FGGY: variants seen among roughly 807,000 people sequenced by gnomAD.
FGGY encodes the protein FGGY carbohydrate kinase domain containing.
In FGGY, 72 loss-of-function variants were observed where a neutral mutation model predicts 71.3. That is an observed-to-expected ratio of 1.01 (90% CI 0.84 to 1.23). The LOEUF (loss-of-function observed/expected upper bound fraction) is 1.23. Among genes scored for constraint, FGGY ranks in the 50% most tolerant of loss-of-function variants. The probability of loss-of-function intolerance (pLI) is 0.00; values close to 1 mark genes in which losing one functional copy is unlikely to be tolerated. For synonymous variants in FGGY, 251 were observed against 250.3 expected (o/e 1.00, Z -0.02); for missense variants, 668 against 682.3 (o/e 0.98, Z 0.23).
chr1:59,534,370 G>C (rs1277062739), intron 7 of FGGY, among the ~76,000 whole-genome samples: 1 of 152,220 alleles, frequency 6.6e-6, no homozygotes, highest in Non-Finnish European at 1.5e-5. Context: ...GTACCTGAAA[G>C]TGACGGGGAG....
At chr1:59,702,646 T>C (rs1324976013) in intron 14 of FGGY, among the ~76,000 whole-genome samples, 1 of 152,192 alleles carries the variant, frequency 6.6e-6, no homozygotes, top group East Asian at 1.9e-4. Context: ...AAGTAGGGAC[T>C]AGATTCTAGT....
chr1:59,407,648 C>G (rs2062967291), intron 5 of FGGY, among the ~76,000 whole-genome samples: 1 of 152,218 alleles, frequency 6.6e-6, no homozygotes, highest in African/African-American at 2.4e-5. Context: ...TTTCCATTCA[C>G]TTCTTCACAT....
chr1:59,745,471 G>T (rs1207936), intron 14 of FGGY, among the ~76,000 whole-genome samples: 135,944 of 152,230 alleles, frequency 0.89, 60,970 homozygotes, highest in East Asian at 1. Flanking sequence ...CGATTTGGTT[G>T]CTGATCTGCT....
rs549705921 is a variant in FGGY, at chr1:59,336,066, C to T, written c.202-3892C>T. 2.6e-5 allele frequency among the ~76,000 whole-genome samples: 4 copies of T among 152,146 alleles called. No individual in the cohort carries two copies. The South Asian group carries it at 6.2e-4, about 24-fold the overall frequency. On this transcript the variant is annotated intron_variant, in intron 2 of 15. Coordinates refer to ENST00000303721, the MANE Select transcript of FGGY (RefSeq NM_018291.5). ...CTTTTTATAAAATCTTCATCTAATG[C>T]AAGGTTGCAACAATGTTCTCCTGTT...
intron 2 of FGGY, among the ~76,000 whole-genome samples, chr1:59,331,002 G>A (rs771954973): frequency 6.6e-5 from 10 of 151,942 alleles, no homozygotes; most frequent in Non-Finnish European, 1.2e-4. Flanking sequence ...ACTTTGGGAA[G>A]ACTGGGACCA....
chr1:59,306,731 G>T (rs1342681847), intron 1 of FGGY, among the ~76,000 whole-genome samples: 79 of 152,194 alleles, frequency 5.2e-4, no homozygotes, highest in Non-Finnish European at 1.6e-4. Context: ...TAGCAGGGAG[G>T]GAAGGTAGAG....
intron 5 of FGGY, among the ~76,000 whole-genome samples, chr1:59,402,585 A>T (rs17119396): frequency 0.033 from 4,983 of 152,326 alleles, 108 homozygotes; most frequent in South Asian, 0.074. Flanking sequence ...ATACAGCTAT[A>T]TAAAAGAGTT....
intron 14 of FGGY, among the ~76,000 whole-genome samples, chr1:59,748,866 C>G (rs2098222012): frequency 6.6e-6 from 1 of 152,088 alleles, no homozygotes; most frequent in South Asian, 2.1e-4. Flanking sequence ...TCCGTAGCAT[C>G]AGGATGGGGG....
intron 8 of FGGY, among the ~76,000 whole-genome samples, chr1:59,591,535 A>G (rs148609702): frequency 0.024 from 3,674 of 152,290 alleles, 143 homozygotes; most frequent in African/African-American, 0.083. Flanking sequence ...CTGACTTCAA[A>G]CTATACTACA....
chr1:59,403,078 G>C (rs1054322830), intron 5 of FGGY, among the ~76,000 whole-genome samples: 1 of 152,186 alleles, frequency 6.6e-6, no homozygotes, highest in African/African-American at 2.4e-5. Context: ...CCCTCTTAAA[G>C]GTTATAGAGT....
At chr1:59,622,122 A>C (rs1217170086) in intron 9 of FGGY, among the ~76,000 whole-genome samples, 1 of 151,884 alleles carries the variant, frequency 6.6e-6, no homozygotes, top group Non-Finnish European at 1.5e-5. Flanking sequence ...CTATATATTT[A>C]TTTCAGATAT....
At chr1:59,469,236 C>G (rs2153541131) in intron 6 of FGGY, among the ~76,000 whole-genome samples, 1 of 152,342 alleles carries the variant, frequency 6.6e-6, no homozygotes, top group Non-Finnish European at 1.5e-5. Context: ...GCTGCTATAA[C>G]AGAATACTTG....
chr1:59,709,874 A>G (rs992259976), intron 14 of FGGY, among the ~76,000 whole-genome samples: 3 of 151,950 alleles, frequency 2.0e-5, no homozygotes, highest in Admixed American at 6.6e-5. Flanking sequence ...TCTACATGGA[A>G]CCCCTCTGTG....
intron 10 of FGGY, among the ~76,000 whole-genome samples, chr1:59,636,492 G>A (rs920344165): frequency 1.2e-4 from 18 of 152,122 alleles, no homozygotes; most frequent in East Asian, 3.9e-4. Flanking sequence ...GCGTGGTGGC[G>A]GACGCCTGTG....
intron 5 of FGGY, among the ~76,000 whole-genome samples, chr1:59,447,244 T>A (rs1197808025): frequency 6.6e-6 from 1 of 152,232 alleles, no homozygotes; most frequent in Non-Finnish European, 1.5e-5. Flanking sequence ...CATTTTAATC[T>A]TCCTAAGGTT....
At chr1:59,334,701 GA>G (rs1020391837) in intron 2 of FGGY, among the ~76,000 whole-genome samples, 1 of 151,712 alleles carries the variant, frequency 6.6e-6, no homozygotes, top group African/African-American at 2.4e-5. Context: ...TTCCAAACAG[GA>G]AAAAAATAAT....
rs193177783 is a variant in FGGY at position 59,653,367 on chromosome 1, C to T, written c.1222-6852C>T. ...CTCCCCCAGCCTTGCTGCCGCCTTG[C>T]AGTTTGATCTCAGACTGCTGTGCTA... On this transcript the variant is annotated intron_variant, in intron 11 of 15. Coordinates refer to ENST00000303721, the MANE Select transcript of FGGY (RefSeq NM_018291.5). Among the ~76,000 whole-genome samples, 663 of 152,236 alleles carry T rather than the reference C, an allele frequency of 4.4e-3. 4 individuals carry two copies. The highest frequency in any genetic ancestry group is 0.014 in the African/African-American group (595 of 41,524).
At chr1:59,300,337 C>G (rs887422035) in intron 1 of FGGY, among the ~76,000 whole-genome samples, 17 of 152,062 alleles carry the variant, frequency 1.1e-4, no homozygotes, top group African/African-American at 4.1e-4. Context: ...AAAAATGAGC[C>G]TTTTATTTTC....
chr1:59,376,338 A>G (rs1320150287), intron 4 of FGGY, among the ~76,000 whole-genome samples: 1 of 152,240 alleles, frequency 6.6e-6, no homozygotes, highest in Non-Finnish European at 1.5e-5. Flanking sequence ...CAACAGTAAC[A>G]GAGAATCAGC....
Sources: gnomAD v4.1 joint callset for allele counts (sites outside exome capture counted in the v4.1 genomes callset) on GRCh38, gnomAD v4.1.1 for gene constraint, MANE v1.5 for transcripts, NCBI Gene and HGNC (gene_info 2026-07-23, HGNC 2026-07-21) for gene names.